SLC39A11: variants seen among roughly 807,000 people sequenced by gnomAD.
SLC39A11 encodes the protein zinc transporter ZIP11.
A neutral mutation model predicts 36.1 loss-of-function variants in SLC39A11; 33 were observed. That is an observed-to-expected ratio of 0.91 (90% CI 0.69 to 1.22). SLC39A11 has a LOEUF of 1.22. Ranked by LOEUF, SLC39A11 falls within the 50% of genes most tolerant of loss-of-function variation. The probability of loss-of-function intolerance (pLI) is 0.00; values close to 1 mark genes in which losing one functional copy is unlikely to be tolerated. For missense variants in SLC39A11, 432 were observed against 430.3 expected, an observed-to-expected ratio of 1.00 and a Z score of -0.03; for synonymous variants, 166 against 170.3, an observed-to-expected ratio of 0.97 and a Z score of 0.20.
chr17:72,777,451 C>T (rs1031603556), intron 6 of SLC39A11, among the ~76,000 whole-genome samples: 3 of 152,126 alleles, frequency 2.0e-5, no homozygotes, highest in Admixed American at 2.0e-4. Flanking sequence ...TGAGGTCATA[C>T]TGGATTAGGG....
chr17:72,825,311 G>A (rs575139095), intron 6 of SLC39A11, among the ~76,000 whole-genome samples: 5 of 152,332 alleles, frequency 3.3e-5, no homozygotes, highest in South Asian at 2.1e-4. Context: ...TGGCTTCCAC[G>A]TGGTGGTAAG....
chr17:72,649,644 C>CTTTTTTTTTTTT (rs5821920), intron 7 of SLC39A11, among the ~76,000 whole-genome samples: 1 of 138,200 alleles, frequency 7.2e-6, no homozygotes, highest in Non-Finnish European at 1.5e-5. Flanking sequence ...TTTTCTTTTT[C>CTTTTTTTTTTTT]TTTTTTTTTT....
intron 7 of SLC39A11, among the ~76,000 whole-genome samples, chr17:72,658,214 C>A (rs536433854): frequency 6.6e-6 from 1 of 152,066 alleles, no homozygotes; most frequent in Non-Finnish European, 1.5e-5. Flanking sequence ...GGAGTGTAGG[C>A]GGGGGAAAGG....
chr17:72,658,504 G>A (rs1389711053), intron 7 of SLC39A11, among the ~76,000 whole-genome samples: 3 of 152,174 alleles, frequency 2.0e-5, no homozygotes, highest in Non-Finnish European at 4.4e-5. Flanking sequence ...TTCGCCCCAG[G>A]GGCTGACTTC....
intron 5 of SLC39A11, among the ~76,000 whole-genome samples, chr17:72,875,197 T>C (rs143736318): frequency 2.4e-3 from 365 of 152,330 alleles, no homozygotes; most frequent in African/African-American, 8.4e-3. Context: ...GAGCTGTGTA[T>C]ATTATTTTAA....
chr17:72,805,419 T>A (rs2077218666), intron 6 of SLC39A11, among the ~76,000 whole-genome samples: 1 of 152,184 alleles, frequency 6.6e-6, no homozygotes, highest in Admixed American at 6.5e-5. Context: ...TGGGTGAACT[T>A]GGGCTGCAGG....
At chr17:72,863,917 C>T (rs982329248) in intron 5 of SLC39A11, among the ~76,000 whole-genome samples, 2 of 152,176 alleles carry the variant, frequency 1.3e-5, no homozygotes, top group Non-Finnish European at 2.9e-5. Flanking sequence ...TGACTTTAAC[C>T]ATCCCTCTCT....
intron 1 of SLC39A11, among the ~76,000 whole-genome samples, chr17:73,090,088 C>T (rs997778622): frequency 3.9e-5 from 6 of 152,210 alleles, no homozygotes; most frequent in African/African-American, 1.4e-4. Context: ...GGGCTCAGCC[C>T]TGCCAGTTCC....
intron 4 of SLC39A11, among the ~76,000 whole-genome samples, chr17:72,949,144 C>CTTTTTTTTTTTG (rs2085664078): frequency 2.7e-5 from 1 of 36,474 alleles, no homozygotes; most frequent in Non-Finnish European, 5.4e-5. Flanking sequence ...CACTGGGCAG[C>CTTTTTTTTTTTG]TTTTTTTTTT....
chr17:72,861,743 TA>T (rs1567842545), intron 5 of SLC39A11, among the ~76,000 whole-genome samples: 50 of 2,340 alleles, frequency 0.021, 3 homozygotes, highest in African/African-American at 0.075. Context: ...TTGGAGATTA[TA>T]TATATATATA....
intron 4 of SLC39A11, among the ~76,000 whole-genome samples, chr17:72,957,271 A>G (rs1171413136): frequency 2.0e-5 from 3 of 152,196 alleles, no homozygotes; most frequent in African/African-American, 7.2e-5. Flanking sequence ...GCAATGTCAC[A>G]TTGTCAGGTA....
At chr17:72,845,787 C>T (rs1185770103) in intron 6 of SLC39A11, among the ~76,000 whole-genome samples, 26 of 152,156 alleles carry the variant, frequency 1.7e-4, no homozygotes, top group Admixed American at 1.7e-3. Context: ...CAAACCTCTC[C>T]ATCCAGTCAA....
At chr17:72,868,427 T>C (rs2080419933) in intron 5 of SLC39A11, among the ~76,000 whole-genome samples, 1 of 152,000 alleles carries the variant, frequency 6.6e-6, no homozygotes, top group South Asian at 2.1e-4. Flanking sequence ...CTTAAGAACA[T>C]AGATGCCAAC....
intron 5 of SLC39A11, among the ~76,000 whole-genome samples, chr17:72,884,426 A>T (rs1258965446): frequency 1.3e-5 from 2 of 152,226 alleles, no homozygotes; most frequent in Non-Finnish European, 2.9e-5. Flanking sequence ...TTTAGCTTGG[A>T]AGACATCTAG....
At chr17:72,692,756 C>A (rs536448911) in intron 7 of SLC39A11, among the ~76,000 whole-genome samples, 1 of 152,220 alleles carries the variant, frequency 6.6e-6, no homozygotes, top group Admixed American at 6.5e-5. Flanking sequence ...GAAAGTTGTT[C>A]ATGTGTTCAC....
chr17:72,893,190 C>T (rs543890520), intron 5 of SLC39A11, among the ~76,000 whole-genome samples: 4 of 152,254 alleles, frequency 2.6e-5, no homozygotes, highest in East Asian at 3.9e-4. Flanking sequence ...GGGGCCGGGG[C>T]GGTGATTCAC....
chr17:72,855,480 G>T (rs2079589938), intron 5 of SLC39A11, among the ~76,000 whole-genome samples: 1 of 152,172 alleles, frequency 6.6e-6, no homozygotes, highest in African/African-American at 2.4e-5. Flanking sequence ...GTTAAGTGCA[G>T]AAAGCATCAA....
intron 5 of SLC39A11, among the ~76,000 whole-genome samples, chr17:72,854,598 G>A (rs949441203): frequency 6.6e-6 from 1 of 152,084 alleles, no homozygotes. Flanking sequence ...CCACAACACA[G>A]GCTTATACTT....
At chr17:72,967,399 A>AGTGTGTGTGTGT (rs1555655753) in intron 4 of SLC39A11, among the ~76,000 whole-genome samples, 16 of 138,278 alleles carry the variant, frequency 1.2e-4, no homozygotes, top group African/African-American at 4.2e-4. Context: ...AGAGAGAGAG[A>AGTGTGTGTGTGT]GTGTGTGTGT....
Sources: allele counts gnomAD v4.1 joint callset (sites outside exome capture counted in the v4.1 genomes callset), GRCh38; gene constraint gnomAD v4.1.1; transcripts MANE v1.5; gene names NCBI Gene and HGNC (gene_info 2026-07-23, HGNC 2026-07-21).